Variants in GPR107 observed in about 807,000 individuals in gnomAD.
GPR107 encodes the protein G protein-coupled receptor 107.
A neutral mutation model predicts 75.5 loss-of-function variants in GPR107; 31 were observed. The observed-to-expected ratio is 0.41, with a 90% CI of 0.31 to 0.55. The LOEUF (loss-of-function observed/expected upper bound fraction) is 0.55, where lower values mean the gene tolerates loss of function less well. Among genes scored for constraint, GPR107 ranks in the 20% least tolerant of loss-of-function variants. The probability of loss-of-function intolerance (pLI) is 0.26; values close to 1 mark genes in which losing one functional copy is unlikely to be tolerated. For synonymous variants in GPR107, 267 were observed against 251.3 expected (o/e 1.06, Z -0.59); for missense variants, 572 against 665.7 (o/e 0.86, Z 1.55).
intron 16 of GPR107, among the ~76,000 whole-genome samples, chr9:130,128,179 A>G (rs1361682321): frequency 6.6e-6 from 1 of 152,204 alleles, no homozygotes; most frequent in Non-Finnish European, 1.5e-5. Flanking sequence ...CTTAGATGAG[A>G]TGTGGTCCTT....
At chr9:130,063,389 A>G (rs924954165) in intron 1 of GPR107, among the ~76,000 whole-genome samples, 1 of 152,108 alleles carries the variant, frequency 6.6e-6, no homozygotes, top group Non-Finnish European at 1.5e-5. Flanking sequence ...ACAGGGTTTC[A>G]CCGTGTTAGC....
intron 1 of GPR107, among the ~76,000 whole-genome samples, chr9:130,062,644 GC>G (rs1829957477): frequency 1.4e-5 from 1 of 70,908 alleles, no homozygotes; most frequent in African/African-American, 5.5e-5. Flanking sequence ...CTGCCTGCCT[GC>G]CTGCCTGCCT....
At chr9:130,097,944 C>T (rs1830918482) in intron 9 of GPR107, among the ~76,000 whole-genome samples, 1 of 151,820 alleles carries the variant, frequency 6.6e-6, no homozygotes, top group Admixed American at 6.6e-5. Context: ...TGCAATGGCA[C>T]AGTCACGGCT....
At position 130,076,471 on chromosome 9, in the gene GPR107, T is replaced by C. The variant is rs752392022; in HGVS notation, c.306+9T>C. 1 of 1,534,968 alleles carries C rather than the reference T, an allele frequency of 6.5e-7. No homozygotes were observed. Among genetic ancestry groups the C allele is most frequent in the Non-Finnish European group, 9.0e-7 (1 of 1,107,744 alleles). On this transcript the variant is annotated intron_variant, in intron 3 of 17. Transcript: ENST00000347136. ...GCTTTTCTTCTTACCTGGTGAGTAT[T>C]AAATGTGTGACCTGATTCATCTCTT... is the stretch of plus-strand genomic sequence containing the variant.
chr9:130,119,274 C>T (rs750300373), intron 14 of GPR107, among the ~76,000 whole-genome samples: 32 of 152,318 alleles, frequency 2.1e-4, no homozygotes, highest in South Asian at 1.0e-3. Context: ...AGAGCCCAGG[C>T]GCCCTGGCAG....
At chr9:130,077,958 G>C (rs1434148624) in intron 4 of GPR107, among the ~76,000 whole-genome samples, 2 of 152,202 alleles carry the variant, frequency 1.3e-5, no homozygotes, top group Non-Finnish European at 2.9e-5. Flanking sequence ...GAGGTCAGGA[G>C]ATTGAGACCA....
chr9:130,099,833 A>G, intron 10 of GPR107, among the ~76,000 whole-genome samples: 1 of 127,776 alleles, frequency 7.8e-6, no homozygotes, highest in African/African-American at 3.0e-5. Context: ...CCATTTCTAG[A>G]GATGAGAGTG....
chr9:130,081,650 C>T (rs1482968027), intron 5 of GPR107, among the ~76,000 whole-genome samples: 2 of 145,454 alleles, frequency 1.4e-5, no homozygotes, highest in African/African-American at 5.1e-5. Context: ...TCCAGCCTGG[C>T]GACAGAGTGA....
At position 130,112,905 on chromosome 9, in the gene GPR107, A is replaced by G. The variant is rs1292111767; in HGVS notation, c.1306+5366A>G. Among the ~76,000 whole-genome samples, 1 of 151,894 alleles carries G rather than the reference A, an allele frequency of 6.6e-6. No individual in the cohort carries two copies. Among genetic ancestry groups the G allele is most frequent in the African/African-American group, 2.4e-5 (1 of 41,334 alleles). On this transcript the variant is annotated intron_variant, in intron 14 of 17. Coordinates refer to ENST00000347136, the MANE Select transcript of GPR107 (RefSeq NM_020960.5). The surrounding 1 kb of genome is among the most constrained non-coding windows in gnomAD (Gnocchi z 4.0). ...GCTAGGACTACAGGCGTGTGCTGCT[A>G]TGCCTGGCTAATTTTTGTATTTTTT...
At position 130,065,200 on chromosome 9, in the gene GPR107, C is replaced by T. The variant is rs1172661140; in HGVS notation, c.142-10436C>T. 2.0e-5 allele frequency among the ~76,000 whole-genome samples: 3 copies of T among 152,240 alleles called. No individual in the cohort carries two copies. In the South Asian group the frequency reaches 6.2e-4, roughly 32 times the overall value. ...GCACGGTGGCTCATGCCTATAATCC[C>T]AGCACTTTGGGAGGCCGAGGTGGGC... On this transcript the variant is annotated intron_variant, in intron 1 of 17. Transcript: ENST00000347136.
At chr9:130,120,414 C>G (rs907535963) in intron 14 of GPR107, among the ~76,000 whole-genome samples, 1 of 152,150 alleles carries the variant, frequency 6.6e-6, no homozygotes, top group Non-Finnish European at 1.5e-5. Flanking sequence ...TCTCACCCCA[C>G]CCCGGTCCTT....
chr9:130,072,314 G>C lies in GPR107; in HGVS notation c.142-3322G>C, dbSNP rs1310376639. Among the ~76,000 whole-genome samples, 3 of 151,784 alleles carry C rather than the reference G, an allele frequency of 2.0e-5. No homozygotes were observed. The South Asian group carries it at 6.2e-4, about 32-fold the overall frequency. On this transcript the variant is annotated intron_variant, in intron 1 of 17. Transcript: ENST00000347136. ...GCTCACTGCAGGCTCCGCCCCCTGG[G>C]GTTCACGCCATTCTCCTGCCTCAGC...
chr9:130,133,053 C>T (rs781947763), intron 17 of GPR107: 7 of 152,090 alleles, frequency 4.6e-5, no homozygotes, highest in Non-Finnish European at 7.3e-5. Context: ...CTTCTCAGCC[C>T]GAGCCATCAC....
chr9:130,078,395 C>G (rs1234695854), intron 4 of GPR107, among the ~76,000 whole-genome samples: 1 of 152,076 alleles, frequency 6.6e-6, no homozygotes. Context: ...AAAAAAAATG[C>G]TTTGTCATAA....
At chr9:130,070,014 A>ATTTTTTTTTTTTTTTTTTTTTTTTTTT (rs1480334762) in intron 1 of GPR107, among the ~76,000 whole-genome samples, 1 of 42,346 alleles carries the variant, frequency 2.4e-5, no homozygotes, top group African/African-American at 9.7e-5. Context: ...TTTTTTTTAA[A>ATTTTTTTTTTTTTTTTTTTTTTTTTTT]TTTTTTTGAG....
intron 17 of GPR107, among the ~76,000 whole-genome samples, chr9:130,130,918 G>T (rs1588087219): frequency 6.6e-6 from 1 of 151,404 alleles, no homozygotes; most frequent in Non-Finnish European, 1.5e-5. Flanking sequence ...GACCACTTAG[G>T]CCCAAGCCAC....
chr9:130,064,948 G>A (rs113281736), intron 1 of GPR107, among the ~76,000 whole-genome samples: 2 of 152,088 alleles, frequency 1.3e-5, no homozygotes, highest in African/African-American at 2.4e-5. Flanking sequence ...CCCTGCTGAC[G>A]CCTTGATTTT....
intron 1 of GPR107, 84 bp from the exon 2 acceptor site, chr9:130,075,552 C>A: frequency 1.3e-6 from 1 of 754,568 alleles, no homozygotes; most frequent in South Asian, 1.5e-5. Flanking sequence ...AGCCTGATAT[C>A]ATACTTTTTA....
chr9:130,122,630 C>T (rs1037309995), intron 14 of GPR107, among the ~76,000 whole-genome samples: 2 of 152,202 alleles, frequency 1.3e-5, no homozygotes, highest in African/African-American at 4.8e-5. Flanking sequence ...CACAGGATAG[C>T]AGCTGCCCCG....
Sources: gnomAD v4.1 joint callset for allele counts (sites outside exome capture counted in the v4.1 genomes callset) on GRCh38, gnomAD v4.1.1 for gene constraint, Gnocchi (gnomAD v3.1) non-coding constraint, MANE v1.5 for transcripts, NCBI Gene and HGNC (gene_info 2026-07-23, HGNC 2026-07-21) for gene names.